GABRB1: variants seen among roughly 807,000 people sequenced by gnomAD.
GABRB1 encodes the protein gamma-aminobutyric acid receptor subunit beta-1.
Under a neutral mutation model 51.6 loss-of-function variants are expected in GABRB1, and 17 were observed. The ratio of observed to expected loss-of-function variants is 0.33; its 90% CI spans 0.23 to 0.49. The LOEUF (loss-of-function observed/expected upper bound fraction) is 0.49, where lower values mean the gene tolerates loss of function less well. GABRB1 is among the 20% of genes least tolerant of loss of function. The pLI, the probability that GABRB1 is intolerant of heterozygous loss-of-function variation, is 0.99. For synonymous variants in GABRB1, 247 were observed against 218.9 expected (o/e 1.13, Z -1.14); for missense variants, 410 against 600.6 (o/e 0.68, Z 3.32).
chr4:47,157,578 G>C (rs1036751744), intron 3 of GABRB1, among the ~76,000 whole-genome samples: 2 of 151,976 alleles, frequency 1.3e-5, no homozygotes, highest in Admixed American at 1.3e-4. Flanking sequence ...CATCTCACAA[G>C]GTTTGTGTGA....
chr4:47,209,529 A>C (rs1010262569), intron 4 of GABRB1, among the ~76,000 whole-genome samples: 1 of 152,134 alleles, frequency 6.6e-6, no homozygotes, highest in Admixed American at 6.6e-5. Flanking sequence ...TATACCATGT[A>C]ACTACAATAA....
At chr4:47,085,945 C>A (rs1427542002) in intron 3 of GABRB1, among the ~76,000 whole-genome samples, 2 of 152,172 alleles carry the variant, frequency 1.3e-5, no homozygotes, top group Non-Finnish European at 2.9e-5. Context: ...GAAGACCATC[C>A]CAGACTTGCG....
intron 4 of GABRB1, among the ~76,000 whole-genome samples, chr4:47,246,657 T>C (rs367595983): frequency 6.6e-6 from 1 of 151,666 alleles, no homozygotes; most frequent in African/African-American, 2.4e-5. Flanking sequence ...AATGTAGAAG[T>C]GTTCCCTGAT....
intron 8 of GABRB1, among the ~76,000 whole-genome samples, chr4:47,423,512 G>A (rs756698443): frequency 5.9e-5 from 9 of 152,204 alleles, no homozygotes; most frequent in Non-Finnish European, 8.8e-5. Context: ...TTGTTGGTAA[G>A]GATGCTAGTT....
At chr4:47,074,628 G>A (rs1727473730) in intron 3 of GABRB1, among the ~76,000 whole-genome samples, 1 of 152,142 alleles carries the variant, frequency 6.6e-6, no homozygotes, top group African/African-American at 2.4e-5. Context: ...TAATATTATT[G>A]CTATTATGAC....
chr4:47,013,333 T>C (rs113786059), intron 1 of GABRB1, among the ~76,000 whole-genome samples: 2,268 of 152,290 alleles, frequency 0.015, 68 homozygotes, highest in African/African-American at 0.05. Flanking sequence ...ATAATTTTTG[T>C]ATTTTTATTA....
At chr4:47,406,405 T>C (rs1415206605) in intron 7 of GABRB1, among the ~76,000 whole-genome samples, 1 of 152,238 alleles carries the variant, frequency 6.6e-6, no homozygotes, top group Non-Finnish European at 1.5e-5. Flanking sequence ...TGATCTGCTT[T>C]TCCATCTGCT....
chr4:47,233,459 A>ACTT (rs1173680099), intron 4 of GABRB1, among the ~76,000 whole-genome samples: 1 of 152,128 alleles, frequency 6.6e-6, no homozygotes, highest in African/African-American at 2.4e-5. Flanking sequence ...TTAATATTGA[A>ACTT]CTTTTATAAC....
At chr4:47,313,317 A>G (rs1409202632) in intron 4 of GABRB1, among the ~76,000 whole-genome samples, 1 of 152,154 alleles carries the variant, frequency 6.6e-6, no homozygotes, top group Non-Finnish European at 1.5e-5. Context: ...AAATATTTTC[A>G]CACACCAGAA....
chr4:47,319,311 T>A (rs1724990109), intron 4 of GABRB1, among the ~76,000 whole-genome samples: 1 of 152,118 alleles, frequency 6.6e-6, no homozygotes, highest in South Asian at 2.1e-4. Context: ...TGTATATATA[T>A]GCATAATCTC....
In GABRB1 at chr4:47,031,962, A is replaced by G; in HGVS notation, c.129A>G (p.Arg43=). ...NMSYVKETVD[R]LLKGYDIRLR... ...CATACGTGAAAGAGACAGTGGACAGATTGCTCAAAGGATATGACATTCGCT... is the reference window on the plus strand; with the variant it reads ...CATACGTGAAAGAGACAGTGGACAGGTTGCTCAAAGGATATGACATTCGCT... Residue 43 remains arginine (R), a synonymous_variant, in exon 2 of 9, where the codon AGA becomes AGG. Coordinates refer to ENST00000295454, the MANE Select transcript of GABRB1 (RefSeq NM_000812.4). The G allele has an allele frequency of 6.2e-7, 1 of 1,612,718 alleles. No homozygotes were observed. The highest frequency in any genetic ancestry group is 8.5e-7 in the Non-Finnish European group (1 of 1,179,754).
chr4:46,998,478 A>G lies in GABRB1; in HGVS notation c.-20+4552A>G, dbSNP rs1577810379. ...CCAGGCATGGTAGCTCACGTGTGTA[A>G]TCCCAGCACTTTGGGAGGCCGAGGT... On this transcript the variant is annotated intron_variant, in intron 1 of 3. Coordinates refer to the GABRB1 transcript ENST00000513567. 2.6e-5 allele frequency among the ~76,000 whole-genome samples: 4 copies of G among 152,262 alleles called. No homozygotes were observed. The South Asian group carries it at 8.3e-4, about 32-fold the overall frequency.
chr4:47,077,960 A>G (rs1319695921), intron 3 of GABRB1, among the ~76,000 whole-genome samples: 1 of 99,806 alleles, frequency 1.0e-5, no homozygotes, highest in South Asian at 3.4e-4. Context: ...TATATATTTT[A>G]TATATATATT....
intron 5 of GABRB1, among the ~76,000 whole-genome samples, chr4:47,402,576 A>G (rs188854020): frequency 2.8e-4 from 42 of 152,330 alleles, no homozygotes; most frequent in Middle Eastern, 6.8e-3. Context: ...GAGTGAGAAG[A>G]GGAAGAGATT....
rs192157876 is a variant in GABRB1 at position 47,172,549 on chromosome 4, G to A, written c.461+11080G>A. On this transcript the variant is annotated intron_variant, in intron 4 of 8. Coordinates refer to ENST00000295454, the MANE Select transcript of GABRB1 (RefSeq NM_000812.4). ...GCATGCTTTGGCCTTTCCAGCACAT[G>A]CAGTTCTACTAAATAAGCAGCTTTA... Among the ~76,000 whole-genome samples the A allele has an allele frequency of 1.7e-4, 26 of 151,028 alleles. No individual in the cohort carries two copies. The East Asian group carries it at 2.9e-3, about 17-fold the overall frequency.
chr4:47,276,933 G>A (rs921010202), intron 4 of GABRB1, among the ~76,000 whole-genome samples: 1 of 151,980 alleles, frequency 6.6e-6, no homozygotes, highest in Admixed American at 6.6e-5. Flanking sequence ...GCCCCAGACT[G>A]AGAACCATGC....
At chr4:47,167,099 T>C (rs1425291707) in intron 4 of GABRB1, among the ~76,000 whole-genome samples, 1 of 152,160 alleles carries the variant, frequency 6.6e-6, no homozygotes, top group Non-Finnish European at 1.5e-5. Context: ...ACCAAATAGA[T>C]GCCCAATAAA....
At chr4:47,093,175 T>G (rs1158703290) in intron 3 of GABRB1, among the ~76,000 whole-genome samples, 1 of 152,174 alleles carries the variant, frequency 6.6e-6, no homozygotes, top group Non-Finnish European at 1.5e-5. Flanking sequence ...TTTTTCCTAG[T>G]GTGAAGGAAA....
At chr4:47,400,453 GGTCACCTTAAAAGGAACAAA>G (rs1167821099) in intron 5 of GABRB1, among the ~76,000 whole-genome samples, 1 of 151,822 alleles carries the variant, frequency 6.6e-6, no homozygotes, top group African/African-American at 2.4e-5. Context: ...CCAGCTGCCA[GGTCACCTTAAAAGGAACAAA>G]GTTGTAGATG....
Sources: allele counts gnomAD v4.1 joint callset (sites outside exome capture counted in the v4.1 genomes callset), GRCh38; gene constraint gnomAD v4.1.1; transcripts MANE v1.5; gene names NCBI Gene and HGNC (gene_info 2026-07-23, HGNC 2026-07-21).